Variants in CAGE1 observed in about 807,000 individuals in gnomAD.
CAGE1 encodes the protein cancer antigen 1.
A neutral mutation model predicts 94.9 loss-of-function variants in CAGE1; 66 were observed. The observed-to-expected ratio is 0.70, with a 90% CI of 0.57 to 0.85. The LOEUF is 0.85. CAGE1 is among the 40% of genes least tolerant of loss of function. The pLI, the probability that CAGE1 is intolerant of heterozygous loss-of-function variation, is 0.00. For missense variants in CAGE1, 865 were observed against 950.4 expected (o/e 0.91, Z 1.18); for synonymous variants, 319 against 321.0 (o/e 0.99, Z 0.07).
rs1390905302 is a variant in CAGE1, at chr6:7,381,638, C to T, written c.284-2618G>A. ...CCACCTCCTGGGTTCAAGCAATTCT[C>T]ATGCCTCAGCCTCCCAAGTAGCTGG... On this transcript the variant is annotated intron_variant, in intron 3 of 13. Coordinates refer to ENST00000502583, the MANE Select transcript of CAGE1 (RefSeq NM_001170692.2). Among the ~76,000 whole-genome samples the T allele has an allele frequency of 2.0e-5, 3 of 150,792 alleles. No homozygotes were observed. The East Asian group carries it at 5.8e-4, about 29-fold the overall frequency.
chr6:7,343,999 GAAAC>G (rs1284179260), intron 11 of CAGE1, among the ~76,000 whole-genome samples: 1 of 152,230 alleles, frequency 6.6e-6, no homozygotes, highest in African/African-American at 2.4e-5. Flanking sequence ...TTCTACATCT[GAAAC>G]AGACAGATCT....
intron 11 of CAGE1, chr6:7,347,513 G>T (rs1415488064): frequency 8.6e-6 from 1 of 116,040 alleles, no homozygotes. Flanking sequence ...TGGGGGGGGG[G>T]GTTGGGGGGG....
intron 11 of CAGE1, chr6:7,341,468 G>A: frequency 2.6e-6 from 3 of 1,136,986 alleles, no homozygotes; most frequent in Non-Finnish European, 4.0e-6. Flanking sequence ...ATACCTCTTG[G>A]CAAATTCCAG....
chr6:7,345,654 G>A (rs917866379), intron 11 of CAGE1, among the ~76,000 whole-genome samples: 7 of 152,260 alleles, frequency 4.6e-5, no homozygotes, highest in Non-Finnish European at 7.4e-5. Context: ...CAGGCCCGGC[G>A]CAGTGGCTCA....
intron 11 of CAGE1, among the ~76,000 whole-genome samples, chr6:7,350,054 G>A (rs961256013): frequency 6.6e-6 from 1 of 152,090 alleles, no homozygotes; most frequent in Admixed American, 6.6e-5. Flanking sequence ...TAAAGTAAAG[G>A]GGTGGAAAAA....
intron 12 of CAGE1, among the ~76,000 whole-genome samples, chr6:7,333,241 G>A (rs1441778742): frequency 6.6e-5 from 10 of 152,068 alleles, no homozygotes; most frequent in Admixed American, 3.3e-4. Context: ...ATGAGCCACC[G>A]TGCCCTGCCT....
At chr6:7,329,434 T>A (rs561523488) in intron 13 of CAGE1, among the ~76,000 whole-genome samples, 48 of 152,104 alleles carry the variant, frequency 3.2e-4, no homozygotes, top group Non-Finnish European at 6.0e-4. Flanking sequence ...TCAGATTTGA[T>A]CCAGAATGTG....
chr6:7,379,168 T>C (rs1760854769), intron 3 of CAGE1, 148 bp from the exon 4 acceptor site: 1 of 551,774 alleles, frequency 1.8e-6, no homozygotes, highest in Non-Finnish European at 2.9e-6. Context: ...AATTTTAGCA[T>C]GGTTTTGTGC....
chr6:7,358,175 G>A (rs1760045746), intron 9 of CAGE1, among the ~76,000 whole-genome samples: 1 of 149,992 alleles, frequency 6.7e-6, no homozygotes, highest in African/African-American at 2.5e-5. Context: ...CTGCCCATCT[G>A]CCTTCCTTGA....
intron 11 of CAGE1, among the ~76,000 whole-genome samples, chr6:7,354,356 A>C (rs1759881847): frequency 6.6e-6 from 1 of 152,214 alleles, no homozygotes; most frequent in Admixed American, 6.5e-5. Context: ...ACTGTTTGAC[A>C]TTTGTTCTGC....
chr6:7,363,495 AAC>A (rs1439503832), intron 9 of CAGE1, among the ~76,000 whole-genome samples: 1 of 152,182 alleles, frequency 6.6e-6, no homozygotes, highest in African/African-American at 2.4e-5. Flanking sequence ...CTTAGTCTAT[AAC>A]AGTTATTCCC....
chr6:7,329,736 G>A lies in CAGE1; in HGVS notation c.2478+113C>T, dbSNP rs1009641347. 3 of 586,652 alleles carry A rather than the reference G, an allele frequency of 5.1e-6. No individual in the cohort carries two copies. In the South Asian group the frequency reaches 6.8e-5, roughly 13 times the overall value. The allele number at this position is 586,652 out of a possible 1,614,324, so 36.3% of individuals were successfully genotyped here. On this transcript the variant is annotated intron_variant, in intron 13 of 13. Transcript: ENST00000502583. ...CCCTCATCTGAAGACAGAGGGGAAG[G>A]CTAGGTTGCACAGTATGGAAATGTG...
At chr6:7,368,073 G>A (rs904898094) in intron 7 of CAGE1, among the ~76,000 whole-genome samples, 10 of 151,864 alleles carry the variant, frequency 6.6e-5, no homozygotes, top group African/African-American at 2.4e-4. Context: ...TCAACATGGT[G>A]AAGCCCCGTC....
chr6:7,349,263 C>G (rs569034098), intron 11 of CAGE1, among the ~76,000 whole-genome samples: 30 of 152,266 alleles, frequency 2.0e-4, no homozygotes, highest in Admixed American at 1.9e-3. Context: ...CTTCAGCCTC[C>G]TCAACCAAAA....
rs200653577 is a variant in CAGE1 at position 7,373,123 on chromosome 6, C to G, written c.1696G>C (p.Ala566Pro). 6 of 1,612,710 alleles carry G rather than the reference C, an allele frequency of 3.7e-6. No homozygotes were observed. The highest frequency in any genetic ancestry group is 1.3e-5 in the African/African-American group (1 of 74,850). Residue 566 changes from alanine to proline, a missense_variant, in exon 5 of 14, where the codon GCT becomes CCT. Physicochemically the swap from Ala to Pro is conservative, Grantham distance 27. Transcript: ENST00000502583. ...EQNYVPKFET[A>P]QLKDQLEEVL... ...TCCTCTAATTGATCCTTTAACTGAG[C>G]TGTCTCAAATTTAGGGACATAATTT...
At position 7,374,010 on chromosome 6, in the gene CAGE1, G is replaced by A. The variant is rs368353493; in HGVS notation, c.809C>T (p.Ser270Leu). The A allele has an allele frequency of 2.2e-5, 35 of 1,613,856 alleles. No individual in the cohort carries two copies. The highest frequency in any genetic ancestry group is 2.5e-5 in the Non-Finnish European group (30 of 1,179,900). ...ERPEIVSTWSSAGISWRSEAC... is the reference protein window; with the variant it reads ...ERPEIVSTWSLAGISWRSEAC... ...TTCACTCCTCCAGGAAATGCCTGCC[G>A]AAGACCAAGTTGAGACAATTTCTGG... The change falls in exon 5 of 14, where the codon TCG (serine) becomes TTG (leucine). Residue 270 changes from serine (S) to leucine (L), a missense_variant. Physicochemically the swap from Ser to Leu is moderately radical, Grantham distance 145. Coordinates refer to ENST00000502583, the MANE Select transcript of CAGE1 (RefSeq NM_001170692.2).
chr6:7,339,356 A>C lies in CAGE1; in HGVS notation c.2370-5266T>G. The C allele has an allele frequency of 6.2e-7, 1 of 1,609,140 alleles. No individual in the cohort carries two copies. Among genetic ancestry groups the C allele is most frequent in the East Asian group, 2.2e-5 (1 of 44,860 alleles). On this transcript the variant is annotated intron_variant, in intron 11 of 13. Coordinates refer to ENST00000502583, the MANE Select transcript of CAGE1 (RefSeq NM_001170692.2). This position sits in a 1 kb window ranked among gnomAD's most constrained non-coding sequence, Gnocchi z 4.7. ...GAGAGCCAAACCTCTTCTGAACTAC[A>C]GCAGTCAGTTCCCGAATCCGCCGGC...
chr6:7,364,873 T>C (rs1282844982), intron 9 of CAGE1, among the ~76,000 whole-genome samples: 1 of 152,230 alleles, frequency 6.6e-6, no homozygotes, highest in Non-Finnish European at 1.5e-5. Context: ...ATGAATTTAG[T>C]ATAGAATGCT....
chr6:7,365,319 T>C (rs918123290), intron 9 of CAGE1, 149 bp downstream of exon 9: 6 of 618,466 alleles, frequency 9.7e-6, no homozygotes, highest in Non-Finnish European at 1.7e-5. Flanking sequence ...TTCGATTCTA[T>C]ATTATTGTGG....
Sources: allele counts gnomAD v4.1 joint callset (sites outside exome capture counted in the v4.1 genomes callset), GRCh38; gene constraint gnomAD v4.1.1; non-coding constraint Gnocchi (gnomAD v3.1); transcripts MANE v1.5; gene names NCBI Gene and HGNC (gene_info 2026-07-23, HGNC 2026-07-21).